Variants in SPATA18 observed in about 807,000 individuals in gnomAD.
The protein encoded by SPATA18 is spermatogenesis associated 18.
SPATA18 carries 54 observed loss-of-function variants against 68.1 expected under a neutral mutation model. The observed-to-expected ratio is 0.79, with a 90% CI of 0.64 to 0.99. The LOEUF (loss-of-function observed/expected upper bound fraction) is 0.99, where lower values mean the gene tolerates loss of function less well. Ranked by LOEUF, SPATA18 falls within the 50% of genes least tolerant of loss-of-function variation. The pLI, the probability that SPATA18 is intolerant of heterozygous loss-of-function variation, is 0.00. For synonymous variants in SPATA18, 242 were observed against 244.8 expected, an observed-to-expected ratio of 0.99 and a Z score of 0.11; for missense variants, 724 against 681.1, an observed-to-expected ratio of 1.06 and a Z score of -0.70.
At position 52,082,521 on chromosome 4, in the gene SPATA18, C is replaced by G; in HGVS notation, c.1479+11C>G. On this transcript the variant is annotated intron_variant, in intron 10 of 12. Transcript: ENST00000295213. ...AGGAGAGGGGCTTTTGTACGGTGGC[C>G]TTGCATAGTGACAATTCATCCCAAG... The G allele has an allele frequency of 6.2e-7, 1 of 1,613,964 alleles. No individual in the cohort carries two copies. Among genetic ancestry groups the G allele is most frequent in the Non-Finnish European group, 8.5e-7 (1 of 1,179,920 alleles).
chr4:52,077,707 C>G (rs753408865), intron 7 of SPATA18, among the ~76,000 whole-genome samples: 3 of 152,030 alleles, frequency 2.0e-5, no homozygotes, highest in Non-Finnish European at 2.9e-5. Flanking sequence ...AGTTCTTAAA[C>G]AAATGAGAAG....
chr4:52,087,862 G>T (rs1402603941), intron 11 of SPATA18, among the ~76,000 whole-genome samples: 1 of 152,180 alleles, frequency 6.6e-6, no homozygotes, highest in African/African-American at 2.4e-5. Context: ...ACTTTGGACA[G>T]TATGGCCATT....
chr4:52,062,697 G>A lies in SPATA18; in HGVS notation c.422+365G>A, dbSNP rs538913669. 3.3e-5 allele frequency among the ~76,000 whole-genome samples: 5 copies of A among 151,982 alleles called. No homozygotes were observed. In the South Asian group the frequency reaches 1.0e-3, roughly 32 times the overall value. On this transcript the variant is annotated intron_variant, in intron 4 of 12. Transcript: ENST00000295213. ...GAAAAATTTTTAAAAAGATGTGAAA[G>A]GGAAAGAATAAAAGAGAGTGAACAA...
intron 1 of SPATA18, among the ~76,000 whole-genome samples, chr4:52,058,985 A>G (rs1393324200): frequency 6.6e-6 from 1 of 152,240 alleles, no homozygotes; most frequent in African/African-American, 2.4e-5. Flanking sequence ...AGAGCCTGGC[A>G]TATAGGAGAG....
chr4:52,071,556 C>T (rs1021400152), intron 5 of SPATA18, among the ~76,000 whole-genome samples: 1 of 152,176 alleles, frequency 6.6e-6, no homozygotes, highest in Admixed American at 6.5e-5. Context: ...GTATTTTAGA[C>T]CAGCTGCCTG....
At chr4:52,052,769 T>G (rs1260528367) in intron 1 of SPATA18, among the ~76,000 whole-genome samples, 2 of 152,264 alleles carry the variant, frequency 1.3e-5, no homozygotes, top group Non-Finnish European at 2.9e-5. Flanking sequence ...TTTTTGAGCC[T>G]AGATTAGCTT....
rs373499577 is a variant in SPATA18 at position 52,060,843 on chromosome 4, C to G, written c.255C>G (p.Ser85=). The change falls in exon 3 of 13, where the codon TCC becomes TCG. Residue 85 remains serine, a synonymous_variant. Transcript: ENST00000295213. ...GCCTTTTGCCTTGGCTGGAGGCTTC[C>G]TTTACTGCTGCTTCCCTGGGAAAAT... ...KSRLLPWLEA[S]FTAASLGKSV... 2.7e-5 allele frequency: 43 copies of G among 1,613,886 alleles called. No individual in the cohort carries two copies. The highest frequency in any genetic ancestry group is 3.4e-5 in the Non-Finnish European group (40 of 1,179,978).
intron 7 of SPATA18, chr4:52,078,220 A>G (rs1740572884): frequency 6.6e-6 from 1 of 152,206 alleles, no homozygotes; most frequent in Non-Finnish European, 1.5e-5. Context: ...ATTAAGAACC[A>G]CTTACTGAGT....
chr4:52,076,500 A>G (rs1037625754), intron 6 of SPATA18, among the ~76,000 whole-genome samples: 1 of 152,202 alleles, frequency 6.6e-6, no homozygotes, highest in Non-Finnish European at 1.5e-5. Context: ...AGAAAATTAC[A>G]TGCTTCTTTT....
intron 8 of SPATA18, 70 bp from the exon 9 acceptor site, chr4:52,079,674 A>G: frequency 6.5e-7 from 1 of 1,542,534 alleles, no homozygotes; most frequent in Non-Finnish European, 8.8e-7. Flanking sequence ...ATCAATCCTA[A>G]TATTCTTAGG....
At position 52,076,913 on chromosome 4, in the gene SPATA18, G is replaced by A. The variant is rs1283128308; in HGVS notation, c.893G>A (p.Arg298His). The A allele has an allele frequency of 6.2e-7, 1 of 1,614,186 alleles. No homozygotes were observed. The highest frequency in any genetic ancestry group is 1.7e-5 in the Admixed American group (1 of 60,028). ...CGCTCCAAGCTGTCCAATGTGGCGC[G>A]CAAGGCTGCCCTCTTGTCCCGGTTC... ...PNRSKLSNVA[R>H]KAALLSRFSD... The change falls in exon 7 of 13, where the codon CGC becomes CAC. Residue 298 changes from arginine to histidine, a missense_variant. Coordinates refer to ENST00000295213, the MANE Select transcript of SPATA18 (RefSeq NM_145263.4).
At chr4:52,059,495 T>C (rs1177231204) in intron 1 of SPATA18, among the ~76,000 whole-genome samples, 1 of 152,252 alleles carries the variant, frequency 6.6e-6, no homozygotes, top group Non-Finnish European at 1.5e-5. Context: ...GTTCACTTCT[T>C]GGCCTCCTCA....
chr4:52,069,791 T>C lies in SPATA18; in HGVS notation c.423-30T>C, dbSNP rs143659862. On this transcript the variant is annotated intron_variant, in intron 4 of 12. Transcript: ENST00000295213. ...TAGAAAGTCTGCCAATTTTGAAAAA[T>C]CTATCTTTAGTTACTGATTTATCTT... 2.0e-6 allele frequency: 3 copies of C among 1,493,668 alleles called. No individual in the cohort carries two copies. In the African/African-American group the frequency reaches 4.2e-5, roughly 21 times the overall value. 92.5% of individuals were successfully genotyped at this position (1,493,668 alleles called of 1,614,324 possible). A position where few individuals can be genotyped will look rare whatever the true frequency, so the allele number is the denominator to read the frequency against.
intron 4 of SPATA18, among the ~76,000 whole-genome samples, chr4:52,068,539 G>C (rs1205924300): frequency 6.6e-6 from 1 of 152,234 alleles, no homozygotes; most frequent in Non-Finnish European, 1.5e-5. Context: ...ATTTATTAGA[G>C]GAGGAAGCAG....
chr4:52,063,483 A>G lies in SPATA18; in HGVS notation c.422+1151A>G, dbSNP rs114139491. ...TATATACCTGAAGCAGTCAAAATTT[A>G]TAAATGTAACATGCAAAAAGCATAA... On this transcript the variant is annotated intron_variant, in intron 4 of 12. Transcript: ENST00000295213. Among the ~76,000 whole-genome samples the G allele has an allele frequency of 2.4e-3, 363 of 152,342 alleles. 2 individuals carry two copies. Among genetic ancestry groups the G allele is most frequent in the African/African-American group, 8.6e-3 (356 of 41,574 alleles).
intron 11 of SPATA18, 85 bp downstream of exon 11, chr4:52,085,084 G>A: frequency 1.9e-6 from 2 of 1,072,130 alleles, no homozygotes; most frequent in Non-Finnish European, 2.8e-6. Context: ...CAAAAGAGGT[G>A]ATTATAAGTC....
intron 1 of SPATA18, among the ~76,000 whole-genome samples, chr4:52,054,927 T>C (rs1365540147): frequency 6.6e-6 from 1 of 151,876 alleles, no homozygotes; most frequent in Non-Finnish European, 1.5e-5. Flanking sequence ...TGTAGGGGTA[T>C]GTGACTTAAT....
In SPATA18 at chr4:52,060,774, C is replaced by T. The variant is rs1214627311; in HGVS notation, c.194-8C>T. 2 of 1,612,594 alleles carry T rather than the reference C, an allele frequency of 1.2e-6. No individual in the cohort carries two copies. The highest frequency in any genetic ancestry group is 3.3e-5 in the Admixed American group (2 of 59,944). ...CTGCACCCATTAACTCGTCATTTAACATTTTAGGAGGACGTAATGATGGTG... is the reference window on the plus strand; with the variant it reads ...CTGCACCCATTAACTCGTCATTTAATATTTTAGGAGGACGTAATGATGGTG... On this transcript the variant is annotated splice_polypyrimidine_tract_variant and splice_region_variant and intron_variant, in intron 2 of 12. Transcript: ENST00000295213.
At chr4:52,069,025 G>A (rs1396119183) in intron 4 of SPATA18, among the ~76,000 whole-genome samples, 1 of 151,998 alleles carries the variant, frequency 6.6e-6, no homozygotes, top group African/African-American at 2.4e-5. Flanking sequence ...CACCACACCT[G>A]GCTAATGTTA....
Sources: allele counts gnomAD v4.1 joint callset (sites outside exome capture counted in the v4.1 genomes callset), GRCh38; gene constraint gnomAD v4.1.1; transcripts MANE v1.5; gene names NCBI Gene and HGNC (gene_info 2026-07-23, HGNC 2026-07-21).